MACROH2A2: variants seen among roughly 807,000 people sequenced by gnomAD.
The protein encoded by MACROH2A2 is core histone macro-H2A.2.
Under a neutral mutation model 37.6 loss-of-function variants are expected in MACROH2A2, and 6 were observed. That is an observed-to-expected ratio of 0.16 (90% CI 0.09 to 0.32). The LOEUF is 0.32. MACROH2A2 is among the 10% of genes least tolerant of loss of function. MACROH2A2 has a pLI of 1.00. For missense variants in MACROH2A2, 290 were observed against 485.9 expected, an observed-to-expected ratio of 0.60 and a Z score of 3.79; for synonymous variants, 192 against 202.7, an observed-to-expected ratio of 0.95 and a Z score of 0.45.
chr10:70,060,798 G>T (rs991137356), intron 1 of MACROH2A2, among the ~76,000 whole-genome samples: 1 of 152,156 alleles, frequency 6.6e-6, no homozygotes, highest in Non-Finnish European at 1.5e-5. Flanking sequence ...TGTTATACTT[G>T]ATAAAGAACT....
Position 70,053,774 on chromosome 10 carries a change from C to T in MACROH2A2, c.-60+774C>T, listed in dbSNP as rs1318743852. 1.3e-5 allele frequency among the ~76,000 whole-genome samples: 2 copies of T among 151,916 alleles called. No homozygotes were observed. Among genetic ancestry groups the T allele is most frequent in the African/African-American group, 4.8e-5 (2 of 41,408 alleles). ...GCGCTGCGCTTTCACCGGGAAATGG[C>T]GGCCCGGCCGTGGCTCGCCTGGGCA... On this transcript the variant is annotated intron_variant, in intron 1 of 8. Coordinates refer to ENST00000373255, the MANE Select transcript of MACROH2A2 (RefSeq NM_018649.3). This position sits in a 1 kb window ranked among gnomAD's most constrained non-coding sequence, Gnocchi z 4.8.
intron 1 of MACROH2A2, among the ~76,000 whole-genome samples, chr10:70,058,706 C>T (rs1306153639): frequency 6.6e-6 from 1 of 152,010 alleles, no homozygotes; most frequent in Non-Finnish European, 1.5e-5. Flanking sequence ...CTTCACTGCT[C>T]AATAAGACCA....
At chr10:70,064,634 C>T (rs1349859269) in intron 1 of MACROH2A2, among the ~76,000 whole-genome samples, 3 of 152,134 alleles carry the variant, frequency 2.0e-5, no homozygotes, top group African/African-American at 7.2e-5. Context: ...GTGCTATTCT[C>T]CTGATAGTGA....
At chr10:70,067,748 C>T (rs549991755) in intron 1 of MACROH2A2, among the ~76,000 whole-genome samples, 67 of 152,248 alleles carry the variant, frequency 4.4e-4, no homozygotes, top group African/African-American at 1.6e-3. Context: ...ATCCTCCTCT[C>T]ATATGATGAT....
At chr10:70,104,708 C>T (rs2072326501) in intron 7 of MACROH2A2, among the ~76,000 whole-genome samples, 1 of 152,096 alleles carries the variant, frequency 6.6e-6, no homozygotes, top group African/African-American at 2.4e-5. Context: ...AACCGCAAGC[C>T]AGTGCTCCTG....
At position 70,100,175 on chromosome 10, in the gene MACROH2A2, A is replaced by T; in HGVS notation, c.689-33A>T. The T allele has an allele frequency of 2.6e-6, 3 of 1,167,512 alleles. No individual in the cohort carries two copies. In the South Asian group the frequency reaches 3.8e-5, roughly 15 times the overall value. The allele number at this position is 1,167,512 out of a possible 1,614,324, so 72.3% of individuals were successfully genotyped here. ...ACAGTGTAATTAGATTGAAAGAACA[A>T]CCACAGTGGCTTCCCATTGCTCTCC... On this transcript the variant is annotated intron_variant, in intron 6 of 8. Transcript: ENST00000373255.
chr10:70,064,929 G>T (rs1483409579), intron 1 of MACROH2A2, among the ~76,000 whole-genome samples: 2 of 152,056 alleles, frequency 1.3e-5, no homozygotes, highest in African/African-American at 4.8e-5. Flanking sequence ...CACACCCGGA[G>T]ATCCCAAACA....
chr10:70,077,285 C>A (rs1193365411), intron 2 of MACROH2A2, among the ~76,000 whole-genome samples: 1 of 152,198 alleles, frequency 6.6e-6, no homozygotes, highest in African/African-American at 2.4e-5. Flanking sequence ...ATGCAAGTTC[C>A]CGCCAGGCAC....
intron 1 of MACROH2A2, among the ~76,000 whole-genome samples, chr10:70,069,337 T>TC (rs1443239093): frequency 1.3e-5 from 2 of 152,204 alleles, no homozygotes; most frequent in African/African-American, 4.8e-5. Flanking sequence ...CCTCTTCCTC[T>TC]CTGAGTCTGG....
chr10:70,104,810 T>C (rs774732177), intron 7 of MACROH2A2, among the ~76,000 whole-genome samples: 2 of 152,168 alleles, frequency 1.3e-5, no homozygotes, highest in African/African-American at 2.4e-5. Flanking sequence ...CCAGGTGACA[T>C]AGAAGGAAAT....
At chr10:70,102,799 C>T (rs912152347) in intron 7 of MACROH2A2, among the ~76,000 whole-genome samples, 1 of 152,118 alleles carries the variant, frequency 6.6e-6, no homozygotes, top group Non-Finnish European at 1.5e-5. Context: ...CTTTAAATCT[C>T]CACCCACTAC....
At chr10:70,066,884 G>C (rs564237624) in intron 1 of MACROH2A2, among the ~76,000 whole-genome samples, 1 of 152,236 alleles carries the variant, frequency 6.6e-6, no homozygotes, top group African/African-American at 2.4e-5. Flanking sequence ...ATGCAATCAA[G>C]TGCCCTTTCC....
At chr10:70,069,419 A>C (rs2072096459) in intron 1 of MACROH2A2, among the ~76,000 whole-genome samples, 1 of 152,094 alleles carries the variant, frequency 6.6e-6, no homozygotes, top group Admixed American at 6.5e-5. Context: ...TAATTATAAG[A>C]CTGTATACCT....
chr10:70,081,921 AT>A (rs1345684871), intron 2 of MACROH2A2, among the ~76,000 whole-genome samples: 1 of 152,276 alleles, frequency 6.6e-6, no homozygotes, highest in Non-Finnish European at 1.5e-5. Context: ...ATTATTACAC[AT>A]TTAATGCCTG....
chr10:70,055,970 A>G (rs1003976112), intron 1 of MACROH2A2, among the ~76,000 whole-genome samples: 1 of 152,236 alleles, frequency 6.6e-6, no homozygotes, highest in Non-Finnish European at 1.5e-5. Context: ...AGATCTATAC[A>G]TACTGAGACA....
At chr10:70,087,378 G>A (rs149734392) in intron 2 of MACROH2A2, among the ~76,000 whole-genome samples, 6,101 of 151,818 alleles carry the variant, frequency 0.04, 148 homozygotes, top group Non-Finnish European at 0.054. Context: ...GATTATAGGC[G>A]CACGCCACCA....
At chr10:70,078,516 G>C (rs955458381) in intron 2 of MACROH2A2, among the ~76,000 whole-genome samples, 1 of 152,198 alleles carries the variant, frequency 6.6e-6, no homozygotes, top group East Asian at 1.9e-4. Flanking sequence ...GGTTCCAATC[G>C]GGATGACTCA....
At chr10:70,072,681 G>C (rs1297250771) in intron 1 of MACROH2A2, among the ~76,000 whole-genome samples, 1 of 152,142 alleles carries the variant, frequency 6.6e-6, no homozygotes, top group African/African-American at 2.4e-5. Flanking sequence ...GGTTGGCCAG[G>C]TGTGGTGGCT....
At chr10:70,071,192 G>A (rs943874016) in intron 1 of MACROH2A2, among the ~76,000 whole-genome samples, 1 of 152,158 alleles carries the variant, frequency 6.6e-6, no homozygotes, top group African/African-American at 2.4e-5. Context: ...AGACCAGCCA[G>A]CACACACCAT....
Sources: allele counts gnomAD v4.1 joint callset (sites outside exome capture counted in the v4.1 genomes callset), GRCh38; gene constraint gnomAD v4.1.1; non-coding constraint Gnocchi (gnomAD v3.1); transcripts MANE v1.5; gene names NCBI Gene and HGNC (gene_info 2026-07-23, HGNC 2026-07-21).